RANBP17: variants seen among roughly 807,000 people sequenced by gnomAD.
RANBP17 encodes ran-binding protein 17.
RANBP17 carries 158 observed loss-of-function variants against 141.2 expected under a neutral mutation model. That is an observed-to-expected ratio of 1.12 (90% confidence interval 0.98 to 1.28). RANBP17 has a LOEUF of 1.28. RANBP17 is among the 50% of genes most tolerant of loss of function. RANBP17 has a pLI of 0.00. For missense variants in RANBP17, 1,438 were observed against 1,290.7 expected, an observed-to-expected ratio of 1.11 and a Z score of -1.75; for synonymous variants, 430 against 450.0, an observed-to-expected ratio of 0.96 and a Z score of 0.56.
At chr5:170,922,879 A>G (rs142387502) in intron 11 of RANBP17, among the ~76,000 whole-genome samples, 28 of 152,260 alleles carry the variant, frequency 1.8e-4, no homozygotes, top group Admixed American at 5.9e-4. Flanking sequence ...TTAGAAATGC[A>G]GAAATCACCC....
At chr5:171,060,285 G>A (rs1253695475) in intron 14 of RANBP17, among the ~76,000 whole-genome samples, 11 of 134,510 alleles carry the variant, frequency 8.2e-5, no homozygotes, top group Non-Finnish European at 1.6e-4. Context: ...CATTCAGTAT[G>A]ATATTGGCTG....
At chr5:171,178,276 G>A (rs1269735853) in intron 16 of RANBP17, among the ~76,000 whole-genome samples, 1 of 149,782 alleles carries the variant, frequency 6.7e-6, no homozygotes, top group Non-Finnish European at 1.5e-5. Flanking sequence ...GTGGTGTTTG[G>A]TTTTCTGTTC....
rs374759150 is a variant in RANBP17 at position 170,886,060 on chromosome 5, C to G, written c.256+4164C>G. On this transcript the variant is annotated intron_variant, in intron 3 of 27. Transcript: ENST00000523189. ...TGGCATCCTCAGTGGTAAAATCCTT[C>G]CAGACTTTCATGAATGTTCTCTCTG... is the stretch of plus-strand genomic sequence containing the variant. Among the ~76,000 whole-genome samples, 62 of 152,142 alleles carry G rather than the reference C, an allele frequency of 4.1e-4. 1 individual carries two copies. The South Asian group carries it at 0.012, about 31-fold the overall frequency.
At chr5:171,117,286 C>T (rs1288750896) in intron 14 of RANBP17, among the ~76,000 whole-genome samples, 3 of 152,122 alleles carry the variant, frequency 2.0e-5, no homozygotes, top group African/African-American at 7.2e-5. Flanking sequence ...CACATTCCCA[C>T]CAACAGTATA....
intron 16 of RANBP17, among the ~76,000 whole-genome samples, chr5:171,172,717 AT>A (rs1554110039): frequency 6.6e-6 from 1 of 151,674 alleles, no homozygotes; most frequent in East Asian, 1.9e-4. Flanking sequence ...GATTTACCCT[AT>A]TTTTTTAGGT....
chr5:170,955,643 TCA>T (rs1327487416), intron 13 of RANBP17, among the ~76,000 whole-genome samples: 446 of 34,000 alleles, frequency 0.013, 64 homozygotes, highest in African/African-American at 0.054. Flanking sequence ...ATATATATGC[TCA>T]GTGTATATAT....
chr5:171,261,622 A>G (rs1371406156), intron 24 of RANBP17, among the ~76,000 whole-genome samples: 1 of 152,240 alleles, frequency 6.6e-6, no homozygotes, highest in Non-Finnish European at 1.5e-5. Flanking sequence ...GTTCCAGAAG[A>G]GAAGCACTTG....
chr5:170,945,932 G>A (rs190814237), intron 12 of RANBP17, among the ~76,000 whole-genome samples: 35 of 152,278 alleles, frequency 2.3e-4, no homozygotes, highest in African/African-American at 7.9e-4. Context: ...GACTCATAAT[G>A]TGTTAAACGC....
intron 14 of RANBP17, among the ~76,000 whole-genome samples, chr5:171,030,839 G>T (rs973622585): frequency 2.0e-5 from 3 of 151,954 alleles, no homozygotes; most frequent in Admixed American, 2.0e-4. Flanking sequence ...TTGTAATTTT[G>T]TAGAAATTAG....
At chr5:171,159,691 G>A (rs978348547) in intron 14 of RANBP17, among the ~76,000 whole-genome samples, 12 of 152,024 alleles carry the variant, frequency 7.9e-5, no homozygotes, top group African/African-American at 2.9e-4. Context: ...GGAGGCTGAG[G>A]CAGGTGGATC....
chr5:171,221,354 A>G (rs924284993), intron 21 of RANBP17, among the ~76,000 whole-genome samples: 1 of 152,234 alleles, frequency 6.6e-6, no homozygotes, highest in African/African-American at 2.4e-5. Flanking sequence ...AAAAATGTGT[A>G]TCAGGCACTG....
intron 14 of RANBP17, among the ~76,000 whole-genome samples, chr5:171,031,755 A>G (rs1410843009): frequency 1.3e-5 from 2 of 152,032 alleles, no homozygotes; most frequent in African/African-American, 4.8e-5. Context: ...ATGTAATGGT[A>G]TAGGAAGAAA....
chr5:171,204,003 A>G (rs1762441093), intron 19 of RANBP17, among the ~76,000 whole-genome samples: 1 of 152,180 alleles, frequency 6.6e-6, no homozygotes, highest in South Asian at 2.1e-4. Context: ...AAAGCTGAGA[A>G]AGAGAGGAAC....
chr5:170,900,957 A>T (rs1238163384), intron 5 of RANBP17, among the ~76,000 whole-genome samples: 1 of 152,108 alleles, frequency 6.6e-6, no homozygotes, highest in African/African-American at 2.4e-5. Flanking sequence ...AATAAGTGCG[A>T]TGTGGTTGTG....
intron 24 of RANBP17, among the ~76,000 whole-genome samples, chr5:171,262,255 G>T (rs1025658383): frequency 6.6e-6 from 1 of 152,146 alleles, no homozygotes; most frequent in Non-Finnish European, 1.5e-5. Flanking sequence ...TTACTTTCGT[G>T]ACTGGGACTT....
Position 171,158,694 on chromosome 5 carries a change from CT to C in RANBP17, c.1711-11434del, listed in dbSNP as rs1043358606. On this transcript the variant is annotated intron_variant, in intron 14 of 27. Coordinates refer to ENST00000523189, the MANE Select transcript of RANBP17 (RefSeq NM_022897.5). ...GTCTCTCAATTTTCATGGTCACTTCCTTCCTTGCTCCCTCTTGGCCCACTTT... is the reference window on the plus strand; with the variant it reads ...GTCTCTCAATTTTCATGGTCACTTCCTCCTTGCTCCCTCTTGGCCCACTTT... Among the ~76,000 whole-genome samples, 28 of 151,686 alleles carry C rather than the reference CT, an allele frequency of 1.8e-4. 1 individual carries two copies. Among genetic ancestry groups the C allele is most frequent in the Admixed American group, 2.6e-4 (4 of 15,232 alleles).
intron 18 of RANBP17, among the ~76,000 whole-genome samples, chr5:171,195,185 C>A (rs982257891): frequency 6.6e-6 from 1 of 152,044 alleles, no homozygotes. Flanking sequence ...GGTTTCTGTA[C>A]CTTTGTCTTA....
chr5:171,035,968 A>G (rs565510319), intron 14 of RANBP17, among the ~76,000 whole-genome samples: 1 of 152,028 alleles, frequency 6.6e-6, no homozygotes, highest in Middle Eastern at 3.4e-3. Context: ...ATCTCAGCTT[A>G]CTAAATCTCC....
intron 14 of RANBP17, among the ~76,000 whole-genome samples, chr5:170,978,367 T>TTA (rs1329906185): frequency 1.3e-5 from 2 of 152,136 alleles, no homozygotes; most frequent in Non-Finnish European, 2.9e-5. Flanking sequence ...AGAAATGAAT[T>TTA]TATATGTTTG....
Sources: allele counts gnomAD v4.1 joint callset (sites outside exome capture counted in the v4.1 genomes callset), GRCh38; gene constraint gnomAD v4.1.1; transcripts MANE v1.5; gene names NCBI Gene and HGNC (gene_info 2026-07-23, HGNC 2026-07-21).